The following RAPGEF5 variants were observed in gnomAD, a reference collection of about 807,000 sequenced individuals.
RAPGEF5 encodes the protein Rap guanine nucleotide exchange factor 5.
Under a neutral mutation model 125.2 loss-of-function variants are expected in RAPGEF5, and 65 were observed. The ratio of observed to expected loss-of-function variants is 0.52; its 90% CI spans 0.43 to 0.64. The LOEUF (loss-of-function observed/expected upper bound fraction) is 0.64, where lower values mean the gene tolerates loss of function less well. RAPGEF5 is among the 30% of genes least tolerant of loss of function. The pLI, the probability that RAPGEF5 is intolerant of heterozygous loss-of-function variation, is 0.00. For synonymous variants in RAPGEF5, 391 were observed against 385.9 expected (o/e 1.01, Z -0.16); for missense variants, 958 against 1,048.1 (o/e 0.91, Z 1.19).
chr7:22,192,339 CTT>C (rs2128125580), intron 11 of RAPGEF5: 1 of 152,338 alleles, frequency 6.6e-6, no homozygotes, highest in South Asian at 2.1e-4. Flanking sequence ...TTTTTGCCCA[CTT>C]ATGTATTTCA....
chr7:22,163,062 C>T (rs1051196926), intron 12 of RAPGEF5: 4 of 448,366 alleles, frequency 8.9e-6, no homozygotes, highest in African/African-American at 8.0e-5. Flanking sequence ...TAGGAACTTA[C>T]TTGAAAACAT....
chr7:22,273,308 T>G (rs1001095135), intron 6 of RAPGEF5, among the ~76,000 whole-genome samples: 5 of 137,030 alleles, frequency 3.6e-5, no homozygotes, highest in Non-Finnish European at 7.6e-5. Context: ...AAGCTCCGCC[T>G]CCCGGGTTCA....
At position 22,250,860 on chromosome 7, in the gene RAPGEF5, C is replaced by T. The variant is rs114660106; in HGVS notation, c.796+16104G>A. Among the ~76,000 whole-genome samples the T allele has an allele frequency of 7.2e-3, 1,103 of 152,158 alleles. 16 individuals carry two copies. The highest frequency in any genetic ancestry group is 0.026 in the African/African-American group (1,060 of 41,474). On this transcript the variant is annotated intron_variant, in intron 7 of 25. Coordinates refer to ENST00000665637, the MANE Select transcript of RAPGEF5 (RefSeq NM_012294.5). ...ACCTCCAGCATGGTACTCTAGTCAT[C>T]GACCAAGCCTACCTCTGCATTTTAT...
rs1583503528 is a variant in RAPGEF5, at chr7:22,234,690, G to A, written c.797-3771C>T. 7.9e-5 allele frequency among the ~76,000 whole-genome samples: 12 copies of A among 152,274 alleles called. No homozygotes were observed. In the South Asian group the frequency reaches 2.5e-3, roughly 32 times the overall value. On this transcript the variant is annotated intron_variant, in intron 7 of 25. Transcript: ENST00000665637. ...GTATCTATTTGTAAATTAGCCAAGA[G>A]GGATTCAAGGTGAATGAGTGTTGAA...
At chr7:22,190,746 T>C (rs1184480922) in intron 11 of RAPGEF5, among the ~76,000 whole-genome samples, 1 of 152,180 alleles carries the variant, frequency 6.6e-6, no homozygotes, top group Non-Finnish European at 1.5e-5. Flanking sequence ...GGGAAAGCGA[T>C]GAGAAATTAC....
At chr7:22,188,891 T>A (rs1784904390) in intron 11 of RAPGEF5, among the ~76,000 whole-genome samples, 1 of 151,686 alleles carries the variant, frequency 6.6e-6, no homozygotes, top group African/African-American at 2.4e-5. Context: ...TTTAGAACAG[T>A]AACGAACTCA....
intron 13 of RAPGEF5, 130 bp downstream of exon 13, chr7:22,162,267 C>T: frequency 1.0e-6 from 1 of 975,584 alleles, no homozygotes. Context: ...CTTAAATATT[C>T]TCTGAATCAC....
chr7:22,189,975 C>G (rs1285864920), intron 11 of RAPGEF5, among the ~76,000 whole-genome samples: 1 of 152,162 alleles, frequency 6.6e-6, no homozygotes, highest in Non-Finnish European at 1.5e-5. Context: ...TTGATCTTCT[C>G]TTTAAAAGTT....
intron 11 of RAPGEF5, among the ~76,000 whole-genome samples, chr7:22,191,071 G>C (rs1022580309): frequency 6.6e-6 from 1 of 152,108 alleles, no homozygotes; most frequent in Non-Finnish European, 1.5e-5. Flanking sequence ...CCGGGCCTTT[G>C]ATAATGAGGG....
At chr7:22,224,821 A>T (rs1034593537) in intron 8 of RAPGEF5, among the ~76,000 whole-genome samples, 2 of 146,968 alleles carry the variant, frequency 1.4e-5, no homozygotes, top group African/African-American at 2.5e-5. Flanking sequence ...TCCCAAGTAC[A>T]GTGTTTTGGT....
At chr7:22,299,801 C>T (rs544052650) in intron 5 of RAPGEF5, among the ~76,000 whole-genome samples, 3 of 150,346 alleles carry the variant, frequency 2.0e-5, no homozygotes, top group Admixed American at 2.0e-4. Flanking sequence ...ACCTTAAAGA[C>T]TTTCTTCCAC....
At chr7:22,178,838 G>T (rs544021226) in intron 11 of RAPGEF5, among the ~76,000 whole-genome samples, 1 of 152,098 alleles carries the variant, frequency 6.6e-6, no homozygotes, top group Admixed American at 6.6e-5. Context: ...CTCCCCAGAC[G>T]TTGAGGGCTG....
At chr7:22,154,687 AACTTTT>A in intron 16 of RAPGEF5, 83 bp from the exon 17 acceptor site, 1 of 1,475,622 alleles carries the variant, frequency 6.8e-7, no homozygotes, top group Non-Finnish European at 9.1e-7. Context: ...CACCTTGATC[AACTTTT>A]CTAAATCAAC....
intron 18 of RAPGEF5, among the ~76,000 whole-genome samples, chr7:22,150,168 C>T (rs1783578518): frequency 6.8e-6 from 1 of 147,714 alleles, no homozygotes; most frequent in Non-Finnish European, 1.5e-5. Context: ...CAGCCTTGAC[C>T]TCCTGGGCTG....
At chr7:22,351,088 G>A (rs1385411733) in intron 1 of RAPGEF5, among the ~76,000 whole-genome samples, 1 of 152,178 alleles carries the variant, frequency 6.6e-6, no homozygotes, top group Non-Finnish European at 1.5e-5. Context: ...GATCAAGTGA[G>A]CATGGCTGAT....
At chr7:22,211,545 G>A (rs1307584613) in intron 9 of RAPGEF5, among the ~76,000 whole-genome samples, 2 of 152,168 alleles carry the variant, frequency 1.3e-5, no homozygotes. Flanking sequence ...TGGAACTGAA[G>A]TCCCCTGACT....
intron 11 of RAPGEF5, among the ~76,000 whole-genome samples, chr7:22,183,314 CAG>C (rs1240174722): frequency 1.3e-5 from 1 of 78,620 alleles, no homozygotes; most frequent in Non-Finnish European, 2.8e-5. Flanking sequence ...TATTTGAAAA[CAG>C]ATTGTAATTT....
intron 1 of RAPGEF5, among the ~76,000 whole-genome samples, chr7:22,330,195 T>C (rs1278472453): frequency 1.3e-5 from 2 of 152,232 alleles, no homozygotes; most frequent in Non-Finnish European, 2.9e-5. Flanking sequence ...TTAGCTCTCA[T>C]GTAACTGCAG....
At chr7:22,197,739 T>C (rs1583473885) in intron 9 of RAPGEF5, among the ~76,000 whole-genome samples, 1 of 152,222 alleles carries the variant, frequency 6.6e-6, no homozygotes, top group African/African-American at 2.4e-5. Context: ...TTCTTTGACT[T>C]TGAATTCCCA....
Sources: allele counts gnomAD v4.1 joint callset (sites outside exome capture counted in the v4.1 genomes callset), GRCh38; gene constraint gnomAD v4.1.1; transcripts MANE v1.5; gene names NCBI Gene and HGNC (gene_info 2026-07-23, HGNC 2026-07-21).